RBFOX1: variants seen among roughly 807,000 people sequenced by gnomAD.
RBFOX1 encodes RNA binding fox-1 homolog 1.
A neutral mutation model predicts 57.7 loss-of-function variants in RBFOX1; 8 were observed. That is an observed-to-expected ratio of 0.14 (90% CI 0.08 to 0.25). RBFOX1 has a LOEUF of 0.25. Ranked by LOEUF, RBFOX1 falls within the 10% of genes least tolerant of loss-of-function variation. The pLI, the probability that RBFOX1 is intolerant of heterozygous loss-of-function variation, is 1.00. For synonymous variants in RBFOX1, 326 were observed against 222.4 expected (o/e 1.47, Z -4.15); for missense variants, 611 against 548.5 (o/e 1.11, Z -1.14).
intron 2 of RBFOX1, among the ~76,000 whole-genome samples, chr16:5,575,540 C>G (rs1462585662): frequency 6.6e-6 from 1 of 152,230 alleles, no homozygotes; most frequent in Non-Finnish European, 1.5e-5. Context: ...TGACAGTACA[C>G]TGCCTGGCAT....
chr16:7,317,790 T>C (rs1487423446), intron 4 of RBFOX1, among the ~76,000 whole-genome samples: 1 of 152,258 alleles, frequency 6.6e-6, no homozygotes, highest in East Asian at 1.9e-4. Context: ...GGCATGTTTC[T>C]CGACTTCTCT....
chr16:7,658,453 G>C (rs1247830108), intron 12 of RBFOX1, among the ~76,000 whole-genome samples: 2 of 152,088 alleles, frequency 1.3e-5, no homozygotes, highest in Non-Finnish European at 2.9e-5. Flanking sequence ...CAATTTGACT[G>C]AGAAGCCACA....
At chr16:5,368,302 C>T (rs1446662670) in intron 1 of RBFOX1, among the ~76,000 whole-genome samples, 2 of 152,128 alleles carry the variant, frequency 1.3e-5, no homozygotes. Context: ...GGTTTTGTTC[C>T]TGTACAATGA....
chr16:7,646,491 A>G (rs1169102561), intron 11 of RBFOX1, among the ~76,000 whole-genome samples: 1 of 152,154 alleles, frequency 6.6e-6, no homozygotes, highest in Non-Finnish European at 1.5e-5. Context: ...CCATCTTAAA[A>G]CCTTCCAAGG....
chr16:7,510,218 G>T, intron 4 of RBFOX1: 2 of 985,902 alleles, frequency 2.0e-6, no homozygotes, highest in Non-Finnish European at 2.4e-6. Flanking sequence ...ACCCTCGCTC[G>T]TAATTGAGGC....
At chr16:6,801,541 T>G (rs1476372305) in intron 3 of RBFOX1, among the ~76,000 whole-genome samples, 3 of 152,036 alleles carry the variant, frequency 2.0e-5, no homozygotes, top group Non-Finnish European at 4.4e-5. Context: ...TCAGGGCCCT[T>G]GAAATTTAGG....
intron 3 of RBFOX1, among the ~76,000 whole-genome samples, chr16:6,988,259 C>G (rs991556362): frequency 6.6e-6 from 1 of 152,160 alleles, no homozygotes; most frequent in Admixed American, 6.5e-5. Context: ...GCAGGACTTT[C>G]TCCTCTCAGC....
chr16:7,525,201 T>C (rs117386269), intron 5 of RBFOX1, among the ~76,000 whole-genome samples: 2,831 of 152,276 alleles, frequency 0.019, 46 homozygotes, highest in Middle Eastern at 0.031. Context: ...ATTCTCAAAA[T>C]TACAGAATTG....
chr16:6,864,001 TTTTG>T (rs1567615731), intron 3 of RBFOX1, among the ~76,000 whole-genome samples: 1 of 150,874 alleles, frequency 6.6e-6, no homozygotes, highest in Non-Finnish European at 1.5e-5. Flanking sequence ...TTTTTTTTTT[TTTTG>T]TTGAGATTAT....
intron 1 of RBFOX1, among the ~76,000 whole-genome samples, chr16:6,123,887 A>T (rs2096569558): frequency 6.6e-6 from 1 of 152,094 alleles, no homozygotes; most frequent in Non-Finnish European, 1.5e-5. Context: ...ACAGAGCGAG[A>T]CTCCCTCAAA....
In RBFOX1 at chr16:5,994,990, C is replaced by G. The variant is rs75801949; in HGVS notation, c.351+127655C>G. 4.5e-3 allele frequency among the ~76,000 whole-genome samples: 681 copies of G among 152,296 alleles called. 8 individuals carry two copies. Among genetic ancestry groups the G allele is most frequent in the African/African-American group, 0.016 (662 of 41,572 alleles). On this transcript the variant is annotated intron_variant, in intron 4 of 19. Transcript: ENST00000641259. ...CCCAGCTTCAGGCTCCTCTCACTAG[C>G]TGTGAGACAGGAGGAAAGGTTGGGA...
intron 2 of RBFOX1, among the ~76,000 whole-genome samples, chr16:6,603,804 G>T (rs142632994): frequency 2.6e-5 from 4 of 152,026 alleles, no homozygotes; most frequent in Admixed American, 6.5e-5. Context: ...TTTATTTCTC[G>T]TCCTGCTGTT....
rs547854648 is a variant in RBFOX1, at chr16:7,087,774, C to T, written c.27+35676C>T. 3.3e-5 allele frequency among the ~76,000 whole-genome samples: 5 copies of T among 152,280 alleles called. 1 individual carries two copies. The South Asian group carries it at 1.0e-3, about 32-fold the overall frequency. On this transcript the variant is annotated intron_variant, in intron 4 of 15. Coordinates refer to ENST00000550418, the MANE Select transcript of RBFOX1 (RefSeq NM_018723.4). ...TTTCTACCCACTGCTTTCAGTTTTT[C>T]TTCCAGATACTCTTGGTGAAGTAAG...
chr16:5,697,532 A>ATTTTTTTTTTTTTT lies in RBFOX1; in HGVS notation c.318+98573_318+98574insTTTTTTTTTTTTTT, dbSNP rs374138178. 2.2e-5 allele frequency among the ~76,000 whole-genome samples: 3 copies of ATTTTTTTTTTTTTT among 133,966 alleles called. 1 individual carries two copies. The highest frequency in any genetic ancestry group is 2.7e-5 in the African/African-American group (1 of 37,364). 87.9% of individuals were successfully genotyped at this position (133,966 alleles called of 152,430 possible). A position where few individuals can be genotyped will look rare whatever the true frequency, so the allele number is the denominator to read the frequency against. ...GTTGTGGGCTTTTCTTTTCTTTTCT[A>ATTTTTTTTTTTTTT]TTCTTTTTTTTTTTTTTTTGAGATA... On this transcript the variant is annotated intron_variant, in intron 3 of 19. Transcript: ENST00000641259.
intron 4 of RBFOX1, among the ~76,000 whole-genome samples, chr16:7,231,283 G>C (rs775080820): frequency 5.9e-5 from 9 of 152,144 alleles, no homozygotes; most frequent in Non-Finnish European, 1.0e-4. Flanking sequence ...GGTTTGTCTT[G>C]TACCATGTGT....
At chr16:7,101,214 A>T (rs1480276272) in intron 4 of RBFOX1, among the ~76,000 whole-genome samples, 1 of 152,154 alleles carries the variant, frequency 6.6e-6, no homozygotes, top group African/African-American at 2.4e-5. Flanking sequence ...CATTTTTGTG[A>T]CTAGGAATTT....
At chr16:7,470,482 T>C (rs1195464774) in intron 4 of RBFOX1, among the ~76,000 whole-genome samples, 1 of 151,682 alleles carries the variant, frequency 6.6e-6, no homozygotes, top group Non-Finnish European at 1.5e-5. Context: ...GATGGATGGA[T>C]AGTTGAATGG....
intron 9 of RBFOX1, among the ~76,000 whole-genome samples, chr16:7,606,707 A>T (rs1165550279): frequency 6.6e-6 from 1 of 152,208 alleles, no homozygotes; most frequent in African/African-American, 2.4e-5. Context: ...GATATCATAC[A>T]TTGATTAAGA....
intron 4 of RBFOX1, among the ~76,000 whole-genome samples, chr16:5,997,400 C>A (rs1033886102): frequency 6.6e-6 from 1 of 152,160 alleles, no homozygotes; most frequent in African/African-American, 2.4e-5. Context: ...TTTGTAGCTA[C>A]ATGATAGGAT....
Sources: allele counts gnomAD v4.1 joint callset (sites outside exome capture counted in the v4.1 genomes callset), GRCh38; gene constraint gnomAD v4.1.1; transcripts MANE v1.5; gene names NCBI Gene and HGNC (gene_info 2026-07-23, HGNC 2026-07-21).